The following B3GALT1 variants were observed in gnomAD, a reference collection of about 807,000 sequenced individuals.
B3GALT1 encodes the protein UDP-Gal:betaGlcNAc beta 1,3-galactosyltransferase, polypeptide 1.
B3GALT1 carries 10 observed loss-of-function variants against 23.2 expected under a neutral mutation model. The ratio of observed to expected loss-of-function variants is 0.43; its 90% CI spans 0.27 to 0.73. B3GALT1 has a LOEUF of 0.73. Ranked by LOEUF, B3GALT1 falls within the 30% of genes least tolerant of loss-of-function variation. B3GALT1 has a pLI of 0.21. For missense variants in B3GALT1, 299 were observed against 405.4 expected (o/e 0.74, Z 2.25); for synonymous variants, 156 against 141.5 (o/e 1.10, Z -0.73).
intron 3 of B3GALT1, among the ~76,000 whole-genome samples, chr2:167,816,101 T>C (rs951225769): frequency 6.6e-6 from 1 of 152,234 alleles, no homozygotes; most frequent in African/African-American, 2.4e-5. Flanking sequence ...TTTTCCTCTT[T>C]TCTTGTACAA....
At chr2:167,429,193 A>G (rs1237712833) in intron 1 of B3GALT1, among the ~76,000 whole-genome samples, 2 of 151,468 alleles carry the variant, frequency 1.3e-5, no homozygotes, top group East Asian at 2.0e-4. Context: ...AGGCCAGGGA[A>G]TGGCGTGAAC....
At chr2:167,807,988 G>A (rs1688793386) in intron 3 of B3GALT1, among the ~76,000 whole-genome samples, 1 of 152,108 alleles carries the variant, frequency 6.6e-6, no homozygotes, top group East Asian at 1.9e-4. Flanking sequence ...GGGTGCTCCT[G>A]TATTGGGTGC....
At chr2:167,670,130 G>A (rs928963949) in intron 3 of B3GALT1, among the ~76,000 whole-genome samples, 4 of 152,148 alleles carry the variant, frequency 2.6e-5, no homozygotes, top group Admixed American at 6.5e-5. Flanking sequence ...CTAACTGATG[G>A]TGCCTATGAG....
At chr2:167,513,329 A>G (rs1347647002) in intron 2 of B3GALT1, among the ~76,000 whole-genome samples, 1 of 152,206 alleles carries the variant, frequency 6.6e-6, no homozygotes, top group African/African-American at 2.4e-5. Flanking sequence ...TGTACTTTTT[A>G]CGATCTTTGT....
intron 2 of B3GALT1, among the ~76,000 whole-genome samples, chr2:167,510,577 T>A (rs546705909): frequency 1.9e-4 from 29 of 152,246 alleles, no homozygotes; most frequent in Admixed American, 1.1e-3. Flanking sequence ...TCTCATTCTT[T>A]CCCAGATGTG....
At chr2:167,554,605 G>A (rs1269915492) in intron 2 of B3GALT1, among the ~76,000 whole-genome samples, 1 of 152,060 alleles carries the variant, frequency 6.6e-6, no homozygotes, top group Admixed American at 6.6e-5. Flanking sequence ...AAAATACTAA[G>A]TGTATGCAAT....
chr2:167,740,358 C>T (rs1169779136), intron 3 of B3GALT1, among the ~76,000 whole-genome samples: 2 of 152,020 alleles, frequency 1.3e-5, no homozygotes, highest in African/African-American at 2.4e-5. Context: ...CTATTTCTCT[C>T]CAGGAATGTT....
At chr2:167,821,471 G>A (rs951691434) in intron 4 of B3GALT1, among the ~76,000 whole-genome samples, 11 of 136,490 alleles carry the variant, frequency 8.1e-5, no homozygotes, top group Non-Finnish European at 1.5e-5. Context: ...AGTTTCACTC[G>A]TGTCCCAGGC....
chr2:167,665,648 A>G (rs960142998), intron 3 of B3GALT1, among the ~76,000 whole-genome samples: 46 of 152,018 alleles, frequency 3.0e-4, no homozygotes, highest in Admixed American at 9.2e-4. Context: ...AGATCCTGTT[A>G]TTGGTCTATT....
intron 1 of B3GALT1, among the ~76,000 whole-genome samples, chr2:167,473,734 T>C (rs1443337706): frequency 6.6e-6 from 1 of 152,046 alleles, no homozygotes; most frequent in Non-Finnish European, 1.5e-5. Context: ...GAAAGGAGTT[T>C]GGGGTTAATT....
intron 3 of B3GALT1, among the ~76,000 whole-genome samples, chr2:167,803,241 G>T (rs961403800): frequency 3.3e-5 from 5 of 152,048 alleles, no homozygotes; most frequent in African/African-American, 1.2e-4. Flanking sequence ...AAACAAGATG[G>T]CTAAATGGGT....
chr2:167,807,402 A>G (rs1688777711), intron 3 of B3GALT1, among the ~76,000 whole-genome samples: 4 of 151,834 alleles, frequency 2.6e-5, no homozygotes, highest in Admixed American at 6.6e-5. Flanking sequence ...TTTAGTTGTG[A>G]TGTTAGGGTG....
rs566004460 is a variant in B3GALT1 at position 167,825,227 on chromosome 2, T to C, written c.-230+6434T>C. The stretch of plus-strand genomic sequence containing the variant: ...TGAACCCGGGAGGCGAAGCTTGCAG[T>C]GAGCCGAGATCGCGCCACTGTACTC... On this transcript the variant is annotated intron_variant, in intron 4 of 4. Coordinates refer to ENST00000392690, the MANE Select transcript of B3GALT1 (RefSeq NM_020981.4). 1.8e-3 allele frequency among the ~76,000 whole-genome samples: 257 copies of C among 141,952 alleles called. 1 individual carries two copies. Among genetic ancestry groups the C allele is most frequent in the African/African-American group, 6.6e-3 (246 of 37,548 alleles). The allele number at this position is 141,952 out of a possible 152,430, so 93.1% of individuals were successfully genotyped here. A position where few individuals can be genotyped will look rare whatever the true frequency, so the allele number is the denominator to read the frequency against.
chr2:167,573,917 T>C (rs1574147194), intron 2 of B3GALT1, among the ~76,000 whole-genome samples: 1 of 151,704 alleles, frequency 6.6e-6, no homozygotes, highest in East Asian at 1.9e-4. Flanking sequence ...TACAAGTTTC[T>C]TTTTTATTGT....
At chr2:167,703,825 T>G (rs1686920259) in intron 3 of B3GALT1, among the ~76,000 whole-genome samples, 1 of 152,106 alleles carries the variant, frequency 6.6e-6, no homozygotes, top group African/African-American at 2.4e-5. Context: ...TACTGAACCC[T>G]AAAAGACTCC....
chr2:167,610,389 T>C (rs1319489300), intron 2 of B3GALT1, among the ~76,000 whole-genome samples: 2 of 152,112 alleles, frequency 1.3e-5, no homozygotes, highest in African/African-American at 4.8e-5. Context: ...GTAGAAAACC[T>C]ATCTCCATAC....
chr2:167,599,866 C>G (rs775864809), intron 2 of B3GALT1, among the ~76,000 whole-genome samples: 4 of 151,936 alleles, frequency 2.6e-5, no homozygotes, highest in Non-Finnish European at 4.4e-5. Flanking sequence ...TTAGTTTTAT[C>G]CAGAGTATTT....
In B3GALT1 at chr2:167,320,929, T is replaced by A. The variant is rs1396444889; in HGVS notation, c.-511+27595T>A. Among the ~76,000 whole-genome samples the A allele has an allele frequency of 1.3e-5, 2 of 151,062 alleles. 1 individual carries two copies. Among genetic ancestry groups the A allele is most frequent in the Non-Finnish European group, 2.9e-5 (2 of 67,804 alleles). ...AAAACAGCATCCCTCCCCTCAAATATCCTAAACATGAAAAAAAAAATAAAG... is the reference window on the plus strand; with the variant it reads ...AAAACAGCATCCCTCCCCTCAAATAACCTAAACATGAAAAAAAAAATAAAG... On this transcript the variant is annotated intron_variant, in intron 1 of 4. Transcript: ENST00000392690.
intron 3 of B3GALT1, among the ~76,000 whole-genome samples, chr2:167,682,004 T>C (rs1206411169): frequency 6.6e-6 from 1 of 152,168 alleles, no homozygotes; most frequent in Non-Finnish European, 1.5e-5. Context: ...TGAATTTTTG[T>C]TTTTTTAAGA....
Sources: gnomAD v4.1 joint callset for allele counts (sites outside exome capture counted in the v4.1 genomes callset) on GRCh38, gnomAD v4.1.1 for gene constraint, MANE v1.5 for transcripts, NCBI Gene and HGNC (gene_info 2026-07-23, HGNC 2026-07-21) for gene names.